Variants in TRPM1 observed in about 807,000 individuals in gnomAD.
The protein encoded by TRPM1 is transient receptor potential cation channel subfamily M member 1, also known as TRPM1-203 APA Isoform, Intron 10.
Under a neutral mutation model 149.4 loss-of-function variants are expected in TRPM1, and 113 were observed. That is an observed-to-expected ratio of 0.76 (90% CI 0.65 to 0.88). The LOEUF (loss-of-function observed/expected upper bound fraction) is 0.88, where lower values mean the gene tolerates loss of function less well. Ranked by LOEUF, TRPM1 falls within the 40% of genes least tolerant of loss-of-function variation. The pLI is 0.00. For synonymous variants in TRPM1, 741 were observed against 759.5 expected, an observed-to-expected ratio of 0.98 and a Z score of 0.40; for missense variants, 1,976 against 2,038.7, an observed-to-expected ratio of 0.97 and a Z score of 0.59.
intron 27 of TRPM1, among the ~76,000 whole-genome samples, chr15:31,025,770 G>T (rs894693084): frequency 6.6e-6 from 1 of 152,224 alleles, no homozygotes; most frequent in Non-Finnish European, 1.5e-5. Context: ...GAGGAGGGCA[G>T]TCCCCTGGGG....
At chr15:31,046,275 A>G (rs375327501) in intron 15 of TRPM1, 42 bp from the exon 16 acceptor site, 3 of 1,594,874 alleles carry the variant, frequency 1.9e-6, no homozygotes, top group Non-Finnish European at 1.7e-6. Flanking sequence ...ATTTACTTAG[A>G]TAACTAATGT....
intron 27 of TRPM1, among the ~76,000 whole-genome samples, chr15:31,020,987 T>C (rs2032533609): frequency 6.6e-6 from 1 of 152,160 alleles, no homozygotes; most frequent in South Asian, 2.1e-4. Context: ...AAACTGATTT[T>C]TTTTTCTCTA....
chr15:31,082,143 G>A (rs2034877597), intron 1 of TRPM1, among the ~76,000 whole-genome samples: 1 of 152,204 alleles, frequency 6.6e-6, no homozygotes, highest in South Asian at 2.1e-4. Flanking sequence ...GGAGAAAGCA[G>A]GGCTTCCTGT....
At chr15:31,151,231 T>G (rs1039929695) in intron 1 of TRPM1, among the ~76,000 whole-genome samples, 3 of 152,134 alleles carry the variant, frequency 2.0e-5, no homozygotes, top group African/African-American at 7.2e-5. Flanking sequence ...TTGGCAAGAC[T>G]CTAACACTCT....
rs751739712 is a variant in TRPM1 at position 31,032,709 on chromosome 15, C to T, written c.2932G>A (p.Val978Met). 8.1e-6 allele frequency: 13 copies of T among 1,614,058 alleles called. No individual in the cohort carries two copies. Among genetic ancestry groups the T allele is most frequent in the East Asian group, 6.7e-5 (3 of 44,892 alleles). Residue 978 changes from valine (V) to methionine (M), a missense_variant, in exon 22 of 28, where the codon GTG becomes ATG. Val to Met is a conservative substitution (Grantham distance 21, BLOSUM62 1). Coordinates refer to ENST00000256552, the MANE Select transcript of TRPM1 (RefSeq NM_001252024.2). ...CTAACCATCTTTCCAATCATCATCA[C>T]GTATGGCCCCAGATACTTGTTGACA... ...FGVNKYLGPY[V>M]MMIGKMMIDM...
Position 31,049,432 on chromosome 15 carries a change from G to A in TRPM1, c.1515C>T (p.Asn505=), listed in dbSNP as rs773549701. 20 of 1,614,002 alleles carry A rather than the reference G, an allele frequency of 1.2e-5. No individual in the cohort carries two copies. Among genetic ancestry groups the A allele is most frequent in the Non-Finnish European group, 1.4e-5 (16 of 1,180,026 alleles). The change falls in exon 13 of 28, where the codon AAC becomes AAT. Residue 505 remains asparagine, a synonymous_variant. Transcript: ENST00000256552. ...RVDFVKLLIE[N]GVNMQHFLTI... ...TCAGAAAGTGTTGCATGTTCACTCC[G>A]TTTTCAATCAGGAGCTTCACAAAGT...
At chr15:31,132,743 A>C (rs1452166343) in intron 1 of TRPM1, among the ~76,000 whole-genome samples, 2 of 152,142 alleles carry the variant, frequency 1.3e-5, no homozygotes, top group Non-Finnish European at 2.9e-5. Flanking sequence ...GTGTCATGGG[A>C]GGAACCCAGT....
intron 1 of TRPM1, among the ~76,000 whole-genome samples, chr15:31,136,592 T>G (rs2036090917): frequency 1.3e-5 from 2 of 152,210 alleles, no homozygotes; most frequent in Non-Finnish European, 1.5e-5. Context: ...TGGGCCACCT[T>G]CAGTCTTCAA....
chr15:31,154,748 GT>G (rs777493095), intron 1 of TRPM1, among the ~76,000 whole-genome samples: 15 of 152,166 alleles, frequency 9.9e-5, no homozygotes, highest in Non-Finnish European at 1.6e-4. Flanking sequence ...CCTAAGAGCA[GT>G]GCTTGAGATA....
At chr15:31,113,264 G>C (rs895469975) in intron 1 of TRPM1, among the ~76,000 whole-genome samples, 4 of 152,100 alleles carry the variant, frequency 2.6e-5, no homozygotes, top group African/African-American at 7.2e-5. Flanking sequence ...CACAGGACAG[G>C]ACCCCTGATT....
At chr15:31,123,975 C>T (rs970289340) in intron 1 of TRPM1, among the ~76,000 whole-genome samples, 2 of 152,194 alleles carry the variant, frequency 1.3e-5, no homozygotes, top group African/African-American at 2.4e-5. Context: ...TACCTCCAGA[C>T]AATGGAGCAT....
chr15:31,104,936 G>C (rs755543396), upstream of TRPM1, among the ~76,000 whole-genome samples: 11 of 152,038 alleles, frequency 7.2e-5, no homozygotes, highest in Non-Finnish European at 1.6e-4. Flanking sequence ...TTCTTTATTT[G>C]TTAGCTGGAA....
At chr15:31,082,077 G>A (rs1448288373) in intron 1 of TRPM1, among the ~76,000 whole-genome samples, 8 of 152,142 alleles carry the variant, frequency 5.3e-5, no homozygotes, top group Non-Finnish European at 1.2e-4. Flanking sequence ...AAGTTTCAGT[G>A]CAACGATAAC....
chr15:31,035,897 T>C, intron 20 of TRPM1: 1 of 606,532 alleles, frequency 1.6e-6, no homozygotes. Context: ...GCCCTGACTT[T>C]TCATTTTCTA....
intron 1 of TRPM1, among the ~76,000 whole-genome samples, chr15:31,140,239 C>G (rs111904962): frequency 0.04 from 6,069 of 150,126 alleles, 400 homozygotes; most frequent in African/African-American, 0.14. Flanking sequence ...ATTAGCCGGG[C>G]ATGGTGGCAG....
At chr15:31,128,474 A>G (rs1172272155) in intron 1 of TRPM1, among the ~76,000 whole-genome samples, 1 of 152,122 alleles carries the variant, frequency 6.6e-6, no homozygotes, top group East Asian at 1.9e-4. Flanking sequence ...ACAGGTGCAC[A>G]CCCCATATCG....
intron 1 of TRPM1, among the ~76,000 whole-genome samples, chr15:31,088,670 G>T (rs2035087397): frequency 6.6e-6 from 1 of 152,182 alleles, no homozygotes; most frequent in Admixed American, 6.5e-5. Context: ...ACTAGGATGG[G>T]CATTTCATAC....
intron 1 of TRPM1, among the ~76,000 whole-genome samples, chr15:31,130,583 T>G (rs1335124516): frequency 6.6e-6 from 1 of 152,214 alleles, no homozygotes; most frequent in Admixed American, 6.5e-5. Flanking sequence ...CTCAAATTGC[T>G]TCTGGAAATA....
intron 27 of TRPM1, among the ~76,000 whole-genome samples, chr15:31,005,588 G>C (rs1029664389): frequency 6.6e-6 from 1 of 152,170 alleles, no homozygotes; most frequent in African/African-American, 2.4e-5. Context: ...TGTGCCCTGG[G>C]TTCAGAGAAA....
Sources: allele counts gnomAD v4.1 joint callset (sites outside exome capture counted in the v4.1 genomes callset), GRCh38; gene constraint gnomAD v4.1.1; transcripts MANE v1.5; gene names NCBI Gene and HGNC (gene_info 2026-07-23, HGNC 2026-07-21).